NRCAM: variants seen among roughly 807,000 people sequenced by gnomAD.
NRCAM encodes the protein NgCAM-related cell adhesion molecule.
NRCAM carries 83 observed loss-of-function variants against 156.5 expected under a neutral mutation model. The ratio of observed to expected loss-of-function variants is 0.53; its 90% CI spans 0.44 to 0.64. NRCAM has a LOEUF of 0.64. Ranked by LOEUF, NRCAM falls within the 30% of genes least tolerant of loss-of-function variation. The pLI, the probability that NRCAM is intolerant of heterozygous loss-of-function variation, is 0.00. For missense variants in NRCAM, 1,417 were observed against 1,597.3 expected, an observed-to-expected ratio of 0.89 and a Z score of 1.92; for synonymous variants, 538 against 563.9, an observed-to-expected ratio of 0.95 and a Z score of 0.65.
At chr7:108,400,533 G>C (rs532134509) in intron 1 of NRCAM, among the ~76,000 whole-genome samples, 1 of 152,280 alleles carries the variant, frequency 6.6e-6, no homozygotes, top group African/African-American at 2.4e-5. Flanking sequence ...CAGGTGGAAT[G>C]GCACGCAACT....
chr7:108,223,554 C>T (rs769312112), intron 11 of NRCAM, among the ~76,000 whole-genome samples, 171 bp downstream of exon 11: 1 of 152,074 alleles, frequency 6.6e-6, no homozygotes, highest in East Asian at 1.9e-4. Context: ...AAAATTATAA[C>T]AATAATATGA....
intron 3 of NRCAM, among the ~76,000 whole-genome samples, chr7:108,279,708 T>C (rs948092289): frequency 2.1e-5 from 3 of 139,690 alleles, no homozygotes; most frequent in Non-Finnish European, 3.0e-5. Flanking sequence ...ACTACAACCA[T>C]GTGCCACCAC....
intron 2 of NRCAM, among the ~76,000 whole-genome samples, chr7:108,374,096 G>T (rs774419754): frequency 9.4e-4 from 143 of 152,072 alleles, no homozygotes; most frequent in Non-Finnish European, 1.7e-3. Flanking sequence ...TTAGAGAAAA[G>T]GGAAGCCTCC....
chr7:108,221,549 G>A (rs9641405), intron 11 of NRCAM, among the ~76,000 whole-genome samples: 6,315 of 152,196 alleles, frequency 0.041, 205 homozygotes, highest in East Asian at 0.11. Context: ...TGGCATTTGC[G>A]GTGACCTGGA....
At chr7:108,391,568 A>C (rs1402887629) in intron 2 of NRCAM, among the ~76,000 whole-genome samples, 2 of 152,018 alleles carry the variant, frequency 1.3e-5, no homozygotes, top group African/African-American at 4.8e-5. Flanking sequence ...CATTTAGCCC[A>C]TTTACATTTA....
In NRCAM at chr7:108,399,416, G is replaced by A. The variant is rs971343743; in HGVS notation, c.-174+20C>T. 1 of 152,166 alleles carries A rather than the reference G, an allele frequency of 6.6e-6. No individual in the cohort carries two copies. Among genetic ancestry groups the A allele is most frequent in the African/African-American group, 2.4e-5 (1 of 41,438 alleles). The allele number at this position is 152,166 out of a possible 1,614,324, so 9.4% of individuals were successfully genotyped here. ...TAATTCAGTCTTGTAAAGACAAAGA[G>A]AGAACTAATTCACTCTCACCTTCAG... On this transcript the variant is annotated intron_variant, in intron 2 of 32. Coordinates refer to ENST00000379028, the MANE Select transcript of NRCAM (RefSeq NM_001037132.4).
At chr7:108,241,397 A>C (rs551261801) in intron 3 of NRCAM, among the ~76,000 whole-genome samples, 46 of 152,358 alleles carry the variant, frequency 3.0e-4, no homozygotes, top group Middle Eastern at 3.4e-3. Context: ...GATAGGTTTA[A>C]TCATGTCCTC....
intron 2 of NRCAM, among the ~76,000 whole-genome samples, chr7:108,326,169 G>A (rs1007537386): frequency 6.6e-6 from 1 of 152,096 alleles, no homozygotes. Flanking sequence ...CATGTTTTGT[G>A]TTCAATAAGA....
chr7:108,190,815 T>C (rs571571759), intron 19 of NRCAM, among the ~76,000 whole-genome samples: 1 of 152,312 alleles, frequency 6.6e-6, no homozygotes, highest in South Asian at 2.1e-4. Context: ...TTTTTCCCCA[T>C]ATACATTTCT....
intron 1 of NRCAM, among the ~76,000 whole-genome samples, chr7:108,414,351 C>A (rs1798928275): frequency 6.6e-6 from 1 of 152,124 alleles, no homozygotes; most frequent in Admixed American, 6.6e-5. Flanking sequence ...TGTCTGGCTT[C>A]CCCCGTTCCC....
intron 8 of NRCAM, among the ~76,000 whole-genome samples, chr7:108,230,544 C>T (rs2094182341): frequency 1.3e-5 from 2 of 152,152 alleles, no homozygotes; most frequent in Non-Finnish European, 2.9e-5. Flanking sequence ...TTCTCCATCA[C>T]CCTCCCGCTC....
At chr7:108,270,004 T>G (rs1345110197) in intron 3 of NRCAM, among the ~76,000 whole-genome samples, 5 of 152,232 alleles carry the variant, frequency 3.3e-5, no homozygotes. Flanking sequence ...TTCTTTCCTT[T>G]GTGTTCATTA....
At chr7:108,339,624 C>A (rs923504932) in intron 2 of NRCAM, among the ~76,000 whole-genome samples, 3 of 151,946 alleles carry the variant, frequency 2.0e-5, no homozygotes, top group Admixed American at 6.6e-5. Context: ...TTAAGAAAGG[C>A]GGGAAAACAG....
At chr7:108,372,372 AAC>A (rs200326245) in intron 2 of NRCAM, among the ~76,000 whole-genome samples, 10,830 of 21,004 alleles carry the variant, frequency 0.52, 541 homozygotes, top group Non-Finnish European at 0.52. Context: ...CAACAACAAC[AAC>A]AAAAAATCTG....
intron 32 of NRCAM, chr7:108,156,185 A>G (rs2045355682): frequency 2.3e-6 from 1 of 432,670 alleles, no homozygotes. Flanking sequence ...AATGTGACAC[A>G]TCTTGGCATC....
intron 2 of NRCAM, among the ~76,000 whole-genome samples, chr7:108,373,016 T>TA (rs986769542): frequency 5.3e-5 from 8 of 151,792 alleles, no homozygotes; most frequent in Admixed American, 1.3e-4. Context: ...TGTTCAGCCT[T>TA]AAAAAAAAGA....
At chr7:108,275,471 G>A (rs147572694) in intron 3 of NRCAM, among the ~76,000 whole-genome samples, 177 of 152,276 alleles carry the variant, frequency 1.2e-3, no homozygotes, top group African/African-American at 4.0e-3. Context: ...TTCAAAGAGC[G>A]TATTTGTCCA....
chr7:108,197,961 A>G lies in NRCAM; in HGVS notation c.1346T>C (p.Val449Ala). 1 of 1,572,354 alleles carries G rather than the reference A, an allele frequency of 6.4e-7. No individual in the cohort carries two copies. The highest frequency in any genetic ancestry group is 8.6e-7 in the Non-Finnish European group (1 of 1,162,754). ...TTAATAAAATGAGAGCTTACCCAGC[A>G]CATTTACAAATGCGTTTGCCAGTAA... ...GYLLANAFVN[V>A]LAEPPRILTP... The change falls in exon 14 of 33, where the codon GTG becomes GCG. Residue 449 changes from valine (V) to alanine (A), a missense_variant. Transcript: ENST00000379028.
chr7:108,256,596 C>T (rs1409212086), intron 3 of NRCAM, among the ~76,000 whole-genome samples: 17 of 151,974 alleles, frequency 1.1e-4, no homozygotes, highest in Admixed American at 8.5e-4. Flanking sequence ...TCCCCCTCTC[C>T]GAGAAACACC....
Sources: allele counts gnomAD v4.1 joint callset (sites outside exome capture counted in the v4.1 genomes callset), GRCh38; gene constraint gnomAD v4.1.1; transcripts MANE v1.5; gene names NCBI Gene and HGNC (gene_info 2026-07-23, HGNC 2026-07-21).